GALNT11: variants seen among roughly 807,000 people sequenced by gnomAD.
GALNT11 encodes the protein polypeptide N-acetylgalactosaminyltransferase 11, also known as UDP-GalNAc:polypeptide N-acetylgalactosaminyltransferase 11.
In GALNT11, 47 loss-of-function variants were observed where a neutral mutation model predicts 72.7. The ratio of observed to expected loss-of-function variants is 0.65; its 90% CI spans 0.51 to 0.82. GALNT11 has a LOEUF of 0.82. GALNT11 is among the 40% of genes least tolerant of loss of function. The pLI, the probability that GALNT11 is intolerant of heterozygous loss-of-function variation, is 0.00. For synonymous variants in GALNT11, 270 were observed against 286.6 expected (o/e 0.94, Z 0.58); for missense variants, 677 against 778.4 (o/e 0.87, Z 1.55).
chr7:152,056,653 A>G (rs187578165), intron 1 of GALNT11, among the ~76,000 whole-genome samples: 32 of 152,270 alleles, frequency 2.1e-4, no homozygotes, highest in African/African-American at 7.7e-4. Flanking sequence ...AATAGTTAAC[A>G]TATACAGAGA....
Position 152,108,079 on chromosome 7 carries a change from G to A in GALNT11, c.754G>A (p.Val252Met). Residue 252 changes from valine to methionine, a missense_variant, in exon 6 of 12, where the codon GTG becomes ATG. Coordinates refer to ENST00000430044, the MANE Select transcript of GALNT11 (RefSeq NM_022087.4). Reference protein sequence around the residue: ...VFLDSHCEVNVMWLQPLLAAI... With the variant: ...VFLDSHCEVNMMWLQPLLAAI... ...CCTGGACAGCCACTGTGAAGTGAAT[G>A]TGATGTGGCTGCAGCCCTTGCTGGC... 19 of 1,613,652 alleles carry A rather than the reference G, an allele frequency of 1.2e-5. No homozygotes were observed. The highest frequency in any genetic ancestry group is 1.6e-5 in the Non-Finnish European group (19 of 1,179,614).
At position 152,047,764 on chromosome 7, in the gene GALNT11, T is replaced by C. The variant is rs149439331; in HGVS notation, c.-39+21880T>C. Among the ~76,000 whole-genome samples the C allele has an allele frequency of 1.6e-3, 237 of 152,122 alleles. 4 individuals carry two copies. The highest frequency in any genetic ancestry group is 5.5e-3 in the African/African-American group (227 of 41,432). On this transcript the variant is annotated intron_variant, in intron 1 of 11. Transcript: ENST00000430044. ...ATATAAATAAGTAAATAAATATATT[T>C]TACCTTCATTACATTTTAACAACAT...
intron 6 of GALNT11, 27 bp from the exon 7 acceptor site, chr7:152,110,501 T>C: frequency 6.6e-7 from 1 of 1,515,568 alleles, no homozygotes; most frequent in Middle Eastern, 1.7e-4. Flanking sequence ...CTATAAGGAA[T>C]GAGTACAGTA....
chr7:152,113,256 G>A lies in GALNT11; in HGVS notation c.1091G>A (p.Cys364Tyr). The A allele has an allele frequency of 2.5e-6, 4 of 1,612,992 alleles. No individual in the cohort carries two copies. Among genetic ancestry groups the A allele is most frequent in the Non-Finnish European group, 3.4e-6 (4 of 1,179,492 alleles). The change falls in exon 8 of 12, where the codon TGT (cysteine) becomes TAT (tyrosine). Residue 364 changes from cysteine to tyrosine, a missense_variant. Coordinates refer to ENST00000430044, the MANE Select transcript of GALNT11 (RefSeq NM_022087.4). The stretch of plus-strand genomic sequence containing the variant: ...TTTGCTTCTGGCCAGATCTGGATGT[G>A]TGGCGGTAAGCTCTTCATCATCCCT... ...NLEISFRIWM[C>Y]GGKLFIIPCS...
At chr7:152,040,370 A>C (rs923134030) in intron 1 of GALNT11, among the ~76,000 whole-genome samples, 1 of 152,234 alleles carries the variant, frequency 6.6e-6, no homozygotes. Context: ...CTCCTGTAAA[A>C]GATGAGGAAC....
intron 1 of GALNT11, among the ~76,000 whole-genome samples, chr7:152,082,533 G>A (rs1167970578): frequency 6.6e-6 from 1 of 152,236 alleles, no homozygotes; most frequent in Admixed American, 6.5e-5. Context: ...GAAGAGGAAC[G>A]GGCTATGACC....
At chr7:152,109,832 C>G (rs1236559328) in intron 6 of GALNT11, among the ~76,000 whole-genome samples, 1 of 152,166 alleles carries the variant, frequency 6.6e-6, no homozygotes, top group Non-Finnish European at 1.5e-5. Context: ...TCCCCTCTAT[C>G]CAGTTTTAGG....
intron 1 of GALNT11, among the ~76,000 whole-genome samples, chr7:152,027,109 C>A (rs372489664): frequency 6.6e-6 from 1 of 151,984 alleles, no homozygotes; most frequent in South Asian, 2.1e-4. Flanking sequence ...ATAAGCCGGG[C>A]GTGGTGGCAG....
chr7:152,114,312 A>G (rs1266264343), intron 8 of GALNT11, among the ~76,000 whole-genome samples: 2 of 152,164 alleles, frequency 1.3e-5, no homozygotes, highest in East Asian at 3.9e-4. Flanking sequence ...CTAGACAGCC[A>G]ATAAGCAACC....
At chr7:152,063,983 T>C (rs2084163295) in intron 1 of GALNT11, among the ~76,000 whole-genome samples, 2 of 152,240 alleles carry the variant, frequency 1.3e-5, no homozygotes, top group Admixed American at 1.3e-4. Flanking sequence ...GTCCGCTTAG[T>C]GCAGAGCTGA....
chr7:152,076,841 G>A (rs1251497292), intron 1 of GALNT11, among the ~76,000 whole-genome samples: 1 of 152,228 alleles, frequency 6.6e-6, no homozygotes, highest in African/African-American at 2.4e-5. Flanking sequence ...GATTGATTAA[G>A]TCTGTCAGCT....
In GALNT11 at chr7:152,050,913, C is replaced by T. The variant is rs112546659; in HGVS notation, c.-39+25029C>T. 4.9e-3 allele frequency among the ~76,000 whole-genome samples: 741 copies of T among 152,218 alleles called. 7 individuals carry two copies. The highest frequency in any genetic ancestry group is 0.017 in the African/African-American group (700 of 41,536). On this transcript the variant is annotated intron_variant, in intron 1 of 11. Coordinates refer to ENST00000430044, the MANE Select transcript of GALNT11 (RefSeq NM_022087.4). ...ACTGTGACAGGGCAGCACTGAGTTCCGATGTGAAAGCCCTACAATCCCTGC... is the reference window on the plus strand; with the variant it reads ...ACTGTGACAGGGCAGCACTGAGTTCTGATGTGAAAGCCCTACAATCCCTGC...
intron 1 of GALNT11, among the ~76,000 whole-genome samples, chr7:152,069,635 G>A (rs1417353501): frequency 2.0e-5 from 3 of 152,186 alleles, no homozygotes; most frequent in Admixed American, 2.0e-4. Context: ...TCTTCTTGGA[G>A]AACCGACCTC....
intron 1 of GALNT11, among the ~76,000 whole-genome samples, chr7:152,090,961 C>T (rs147192070): frequency 5.9e-5 from 9 of 152,128 alleles, no homozygotes; most frequent in African/African-American, 1.7e-4. Flanking sequence ...GCTGAGTGCC[C>T]GGACTTTGCC....
At chr7:152,085,789 C>T (rs917339496) in intron 1 of GALNT11, among the ~76,000 whole-genome samples, 1 of 152,082 alleles carries the variant, frequency 6.6e-6, no homozygotes, top group African/African-American at 2.4e-5. Context: ...TCTTGACTCA[C>T]TGCAACCTCT....
chr7:152,094,116 A>G lies in GALNT11; in HGVS notation c.-38-74A>G. 7.8e-7 allele frequency: 1 copy of G among 1,286,108 alleles called. No homozygotes were observed. Among genetic ancestry groups the G allele is most frequent in the Non-Finnish European group, 1.1e-6 (1 of 930,528 alleles). 79.7% of individuals were successfully genotyped at this position (1,286,108 alleles called of 1,614,324 possible). A position where few individuals can be genotyped will look rare whatever the true frequency, so the allele number is the denominator to read the frequency against. On this transcript the variant is annotated intron_variant, in intron 1 of 11. Transcript: ENST00000430044. This position sits in a 1 kb window ranked among gnomAD's most constrained non-coding sequence, Gnocchi z 4.3. ...TAGTGGTCCTACTTGGTGGTTTGGA[A>G]AACAGTGATTCTGTATTTGGTGGAT...
chr7:152,115,790 C>T (rs1013892544), intron 8 of GALNT11, among the ~76,000 whole-genome samples: 47 of 152,196 alleles, frequency 3.1e-4, no homozygotes, highest in Admixed American at 2.0e-4. Context: ...GGTGCGGTGG[C>T]GCATGCCTGT....
intron 1 of GALNT11, among the ~76,000 whole-genome samples, chr7:152,032,278 G>A (rs1350055093): frequency 1.3e-5 from 2 of 152,160 alleles, no homozygotes; most frequent in Non-Finnish European, 2.9e-5. Flanking sequence ...ATATAAGTTG[G>A]GATGTGTGGT....
At chr7:152,072,903 G>A (rs985949847) in intron 1 of GALNT11, among the ~76,000 whole-genome samples, 10 of 152,194 alleles carry the variant, frequency 6.6e-5, no homozygotes, top group Non-Finnish European at 1.0e-4. Flanking sequence ...AGTAAACATC[G>A]CCTTGCTAAG....
Sources: allele counts gnomAD v4.1 joint callset (sites outside exome capture counted in the v4.1 genomes callset), GRCh38; gene constraint gnomAD v4.1.1; non-coding constraint Gnocchi (gnomAD v3.1); transcripts MANE v1.5; gene names NCBI Gene and HGNC (gene_info 2026-07-23, HGNC 2026-07-21).